The following RBM20 variants were observed in gnomAD, a reference collection of about 807,000 sequenced individuals.
RBM20 encodes the protein RNA-binding protein 20.
In RBM20, 51 loss-of-function variants were observed where a neutral mutation model predicts 110.1. The ratio of observed to expected loss-of-function variants is 0.46; its 90% CI spans 0.37 to 0.59. RBM20 has a LOEUF of 0.59. Ranked by LOEUF, RBM20 falls within the 20% of genes least tolerant of loss-of-function variation. The pLI is 0.00. For missense variants in RBM20, 1,512 were observed against 1,574.9 expected, an observed-to-expected ratio of 0.96 and a Z score of 0.68; for synonymous variants, 589 against 618.2, an observed-to-expected ratio of 0.95 and a Z score of 0.70.
chr10:110,670,953 T>A (rs182972766), intron 1 of RBM20, among the ~76,000 whole-genome samples: 1 of 152,370 alleles, frequency 6.6e-6, no homozygotes, highest in East Asian at 1.9e-4. Flanking sequence ...AACATTATGA[T>A]GTAAAAAGAC....
In RBM20 at chr10:110,812,866, T is replaced by C. The variant is rs1489930591; in HGVS notation, c.2469T>C (p.Asn823=). 6.7e-7 allele frequency: 1 copy of C among 1,484,824 alleles called. No homozygotes were observed. Among genetic ancestry groups the C allele is most frequent in the Non-Finnish European group, 8.9e-7 (1 of 1,119,254 alleles). 92.0% of individuals were successfully genotyped at this position (1,484,824 alleles called of 1,614,324 possible). A position where few individuals can be genotyped will look rare whatever the true frequency, so the allele number is the denominator to read the frequency against. Residue 823 remains asparagine, a synonymous_variant, in exon 9 of 14, where the codon AAT becomes AAC. Transcript: ENST00000369519. ...RAPEGAKAKQ[N]EKNKTKRTDR... ...CTGAGGGCGCCAAGGCCAAGCAGAA[T>C]GAGAAAAATAAAACCAAGAGAACTG...
intron 1 of RBM20, among the ~76,000 whole-genome samples, chr10:110,686,436 C>T (rs1862505863): frequency 6.6e-6 from 1 of 151,934 alleles, no homozygotes; most frequent in South Asian, 2.1e-4. Flanking sequence ...GTCTGAAGCC[C>T]AGTTAAAACT....
rs1489780922 is a variant in RBM20, at chr10:110,812,847, G to A, written c.2450G>A (p.Gly817Asp). 2 of 1,513,260 alleles carry A rather than the reference G, an allele frequency of 1.3e-6. No homozygotes were observed. Among genetic ancestry groups the A allele is most frequent in the Non-Finnish European group, 1.8e-6 (2 of 1,130,712 alleles). 93.7% of individuals were successfully genotyped at this position (1,513,260 alleles called of 1,614,324 possible). A position where few individuals can be genotyped will look rare whatever the true frequency, so the allele number is the denominator to read the frequency against. Reference protein sequence around the residue: ...LGPKVTRAPEGAKAKQNEKNK... With the variant: ...LGPKVTRAPEDAKAKQNEKNK... ...CCAAAGGTCACTAGGGCCCCTGAGGGCGCCAAGGCCAAGCAGAATGAGAAA... is the reference window on the plus strand; with the variant it reads ...CCAAAGGTCACTAGGGCCCCTGAGGACGCCAAGGCCAAGCAGAATGAGAAA... The change falls in exon 9 of 14, where the codon GGC becomes GAC. Residue 817 changes from glycine to aspartate, a missense_variant. This residue lies in a region of RBM20 where 1,149 missense variants were observed against 1,169.4 expected (regional missense o/e 0.98). Coordinates refer to ENST00000369519, the MANE Select transcript of RBM20 (RefSeq NM_001134363.3).
chr10:110,790,913 G>A (rs1040077101), intron 5 of RBM20, among the ~76,000 whole-genome samples: 1 of 152,042 alleles, frequency 6.6e-6, no homozygotes, highest in Non-Finnish European at 1.5e-5. Context: ...CTCATATACA[G>A]CGTGGACCAG....
intron 13 of RBM20, among the ~76,000 whole-genome samples, chr10:110,831,682 A>ACAAC (rs1554844421): frequency 1.5e-5 from 2 of 136,472 alleles, no homozygotes; most frequent in South Asian, 2.2e-4. Flanking sequence ...AAAAAAAAAA[A>ACAAC]AAAAAAAAAC....
chr10:110,780,228 G>A (rs964885284), intron 1 of RBM20, among the ~76,000 whole-genome samples: 1 of 152,158 alleles, frequency 6.6e-6, no homozygotes, highest in Non-Finnish European at 1.5e-5. Flanking sequence ...TTATGTTGGT[G>A]TATCATAATT....
At chr10:110,831,525 C>A in intron 13 of RBM20, 1 of 195,730 alleles carries the variant, frequency 5.1e-6, no homozygotes, top group Non-Finnish European at 1.1e-5. Context: ...ATATCCACCT[C>A]TCCCTCTATA....
intron 1 of RBM20, among the ~76,000 whole-genome samples, chr10:110,755,114 C>T (rs910015299): frequency 1.3e-5 from 2 of 152,144 alleles, no homozygotes; most frequent in Non-Finnish European, 2.9e-5. Context: ...CCTACTTCCT[C>T]TCTTGCTTTG....
At chr10:110,668,605 AG>A (rs1193270686) in intron 1 of RBM20, among the ~76,000 whole-genome samples, 1 of 115,532 alleles carries the variant, frequency 8.7e-6, no homozygotes, top group African/African-American at 2.8e-5. Context: ...AGGGAGGGAG[AG>A]GAAAAAAAAA....
At chr10:110,807,619 A>G (rs1274889006) in intron 7 of RBM20, among the ~76,000 whole-genome samples, 1 of 152,168 alleles carries the variant, frequency 6.6e-6, no homozygotes, top group East Asian at 1.9e-4. Context: ...CTACCCTCAT[A>G]GTCACTCTGC....
intron 1 of RBM20, among the ~76,000 whole-genome samples, chr10:110,731,636 G>A (rs1443050623): frequency 5.3e-5 from 7 of 132,176 alleles, no homozygotes; most frequent in Non-Finnish European, 9.7e-5. Flanking sequence ...GTAATTTGTA[G>A]AAATTATCAT....
In RBM20 at chr10:110,707,297, T is replaced by C. The variant is rs909184198; in HGVS notation, c.191+62652T>C. On this transcript the variant is annotated intron_variant, in intron 1 of 13. Coordinates refer to ENST00000369519, the MANE Select transcript of RBM20 (RefSeq NM_001134363.3). ...TTGGATATAAAATGGAGCTTAAGAT[T>C]TTATTTTTGCTAACCTGATATTCCA... is the stretch of plus-strand genomic sequence containing the variant. Among the ~76,000 whole-genome samples, 6 of 152,244 alleles carry C rather than the reference T, an allele frequency of 3.9e-5. No homozygotes were observed. In the South Asian group the frequency reaches 1.0e-3, roughly 26 times the overall value.
At chr10:110,823,249 T>A (rs1212121211) in intron 11 of RBM20, among the ~76,000 whole-genome samples, 1 of 152,132 alleles carries the variant, frequency 6.6e-6, no homozygotes, top group African/African-American at 2.4e-5. Context: ...AATGCAAACA[T>A]TTGCCAAGTT....
At chr10:110,671,341 A>AT (rs1862255443) in intron 1 of RBM20, among the ~76,000 whole-genome samples, 1 of 152,218 alleles carries the variant, frequency 6.6e-6, no homozygotes, top group Admixed American at 6.5e-5. Flanking sequence ...GCGTATGAAT[A>AT]TTTTTATTGC....
chr10:110,673,820 T>C (rs1564811737), intron 1 of RBM20, among the ~76,000 whole-genome samples: 3 of 152,186 alleles, frequency 2.0e-5, no homozygotes, highest in Non-Finnish European at 4.4e-5. Flanking sequence ...AGAGGTTGTG[T>C]TGGATTGCTA....
intron 1 of RBM20, among the ~76,000 whole-genome samples, chr10:110,719,961 T>C (rs1305789072): frequency 6.6e-6 from 1 of 151,894 alleles, no homozygotes; most frequent in Non-Finnish European, 1.5e-5. Context: ...CCAGCAAATT[T>C]GATGTCTGGT....
chr10:110,653,143 A>C (rs1194123073), intron 1 of RBM20, among the ~76,000 whole-genome samples: 1 of 152,242 alleles, frequency 6.6e-6, no homozygotes, highest in East Asian at 1.9e-4. Context: ...GCTGTGGTTT[A>C]AAGATGAACC....
chr10:110,730,316 G>A (rs1203558403), intron 1 of RBM20, among the ~76,000 whole-genome samples: 1 of 152,190 alleles, frequency 6.6e-6, no homozygotes, highest in Non-Finnish European at 1.5e-5. Context: ...AGTTTCTATG[G>A]CAAAGGTTTA....
intron 1 of RBM20, among the ~76,000 whole-genome samples, chr10:110,698,028 C>T (rs2134887751): frequency 6.6e-6 from 1 of 152,198 alleles, no homozygotes; most frequent in Middle Eastern, 3.4e-3. Context: ...CTGCCTCAGC[C>T]TCCCGAGTAG....
Sources: allele counts gnomAD v4.1 joint callset (sites outside exome capture counted in the v4.1 genomes callset), GRCh38; gene constraint gnomAD v4.1.1; regional missense constraint gnomAD v4.1.1; transcripts MANE v1.5; gene names NCBI Gene and HGNC (gene_info 2026-07-23, HGNC 2026-07-21).